The following SCN8A variants were observed in gnomAD, a reference collection of about 807,000 sequenced individuals.
SCN8A encodes the protein sodium channel protein type 8 subunit alpha.
In SCN8A, 30 loss-of-function variants were observed where a neutral mutation model predicts 184.1. The ratio of observed to expected loss-of-function variants is 0.16; its 90% CI spans 0.12 to 0.22. The LOEUF is 0.22. SCN8A is among the 10% of genes least tolerant of loss of function. The pLI, the probability that SCN8A is intolerant of heterozygous loss-of-function variation, is 1.00. For synonymous variants in SCN8A, 852 were observed against 907.0 expected, an observed-to-expected ratio of 0.94 and a Z score of 1.09; for missense variants, 1,057 against 2,498.9, an observed-to-expected ratio of 0.42 and a Z score of 12.30.
intron 2 of SCN8A, among the ~76,000 whole-genome samples, chr12:51,679,721 C>CTTTTTTTTTTTTTTTTTTTT (rs34564079): frequency 2.3e-5 from 2 of 85,510 alleles, no homozygotes; most frequent in African/African-American, 4.5e-5. Context: ...ACTATCTTGC[C>CTTTTTTTTTTTTTTTTTTTT]TTTTTTTTTT....
intron 14 of SCN8A, among the ~76,000 whole-genome samples, chr12:51,756,536 C>T (rs564464964): frequency 7.2e-5 from 11 of 152,368 alleles, no homozygotes; most frequent in African/African-American, 2.6e-4. Context: ...TCCCCCACCC[C>T]CTCAAGTGTG....
chr12:51,620,557 T>A (rs1265641809), intron 1 of SCN8A, among the ~76,000 whole-genome samples: 1 of 152,048 alleles, frequency 6.6e-6, no homozygotes, highest in African/African-American at 2.4e-5. Context: ...CAGTAGAAAC[T>A]GTAAAAGAAA....
intron 2 of SCN8A, among the ~76,000 whole-genome samples, chr12:51,670,035 A>G (rs932820413): frequency 6.6e-6 from 1 of 152,188 alleles, no homozygotes; most frequent in African/African-American, 2.4e-5. Context: ...GTTGTTAAAA[A>G]TTTTTTCCCA....
At chr12:51,689,546 T>A (rs1941472801) in intron 6 of SCN8A, 1 of 156,086 alleles carries the variant, frequency 6.4e-6, no homozygotes, top group African/African-American at 2.4e-5. Context: ...ATTAATGAAA[T>A]TTTTTAATCA....
rs372096102 is a variant in SCN8A, at chr12:51,769,319, C to T, written c.3356C>T (p.Pro1119Leu). 3.1e-5 allele frequency: 50 copies of T among 1,588,602 alleles called. No homozygotes were observed. The highest frequency in any genetic ancestry group is 4.2e-5 in the Non-Finnish European group (49 of 1,164,012). Residue 1119 changes from proline to leucine, a missense_variant, in exon 17 of 27, where the codon CCT becomes CTT. Physicochemically the swap from Pro to Leu is moderately conservative, Grantham distance 98. Coordinates refer to ENST00000627620, the MANE Select transcript of SCN8A (RefSeq NM_001330260.2). ...NTEDVSSESD[P>L]EGSKDKLDDT... The stretch of plus-strand genomic sequence containing the variant: ...GAGGATGTTAGCAGCGAGTCGGATC[C>T]TGAAGGCAGCAAAGATGTAAGGTCC...
chr12:51,768,071 G>A (rs920699758), intron 16 of SCN8A: 1 of 152,108 alleles, frequency 6.6e-6, no homozygotes, highest in Non-Finnish European at 1.5e-5. Flanking sequence ...GCACATGACT[G>A]TTATCTCCTC....
At chr12:51,703,237 T>TG (rs1555219207) in intron 9 of SCN8A, among the ~76,000 whole-genome samples, 5 of 150,006 alleles carry the variant, frequency 3.3e-5, no homozygotes, top group African/African-American at 4.9e-5. Flanking sequence ...GGGTTTGTTT[T>TG]TTTTGTTTTG....
intron 1 of SCN8A, among the ~76,000 whole-genome samples, chr12:51,610,066 A>T (rs1426121702): frequency 3.4e-5 from 5 of 148,520 alleles, no homozygotes; most frequent in Admixed American, 6.9e-5. Context: ...GCTACTCCGG[A>T]GGCTGAGGCA....
At chr12:51,722,116 CCCT>C (rs1942079139) in intron 12 of SCN8A, 1 of 720,496 alleles carries the variant, frequency 1.4e-6, no homozygotes, top group African/African-American at 1.8e-5. Flanking sequence ...TCAGTTTTCC[CCCT>C]ATTACTCACC....
chr12:51,644,145 G>A (rs769537686), intron 1 of SCN8A, among the ~76,000 whole-genome samples: 4 of 152,190 alleles, frequency 2.6e-5, no homozygotes, highest in Non-Finnish European at 2.9e-5. Flanking sequence ...TGCTTAGTCT[G>A]TCAGATTCCA....
chr12:51,770,833 C>G (rs1221403940), intron 19 of SCN8A, 150 bp downstream of exon 19: 1 of 754,118 alleles, frequency 1.3e-6, no homozygotes, highest in Non-Finnish European at 2.2e-6. Flanking sequence ...CTTTAGGCTG[C>G]TGCTTTGAGC....
chr12:51,644,346 A>G (rs982733906), intron 1 of SCN8A, among the ~76,000 whole-genome samples: 4 of 152,196 alleles, frequency 2.6e-5, no homozygotes, highest in African/African-American at 7.2e-5. Flanking sequence ...TAACCTCTTT[A>G]TGCCTCAGTT....
In SCN8A at chr12:51,806,430, G is replaced by A. The variant is rs773587801; in HGVS notation, c.4944G>A (p.Leu1648=). 1 of 1,614,154 alleles carries A rather than the reference G, an allele frequency of 6.2e-7. No individual in the cohort carries two copies. Among genetic ancestry groups the A allele is most frequent in the Non-Finnish European group, 8.5e-7 (1 of 1,180,018 alleles). ...TGCTCTTTGCCTTAATGATGTCCTT[G>A]CCTGCCCTGTTCAACATCGGCCTTC... ...RTLLFALMMS[L]PALFNIGLLL... is the part of the protein sequence containing the mutation. Residue 1648 remains leucine (L), a synonymous_variant, in exon 27 of 27, where the codon TTG becomes TTA. Transcript: ENST00000627620. This position sits in a 1 kb window ranked among gnomAD's most constrained non-coding sequence, Gnocchi z 8.7.
intron 2 of SCN8A, among the ~76,000 whole-genome samples, chr12:51,672,923 G>C (rs1941157809): frequency 6.6e-6 from 1 of 152,224 alleles, no homozygotes; most frequent in Non-Finnish European, 1.5e-5. Flanking sequence ...ATATGTGGTA[G>C]AGTCAGGTTT....
intron 1 of SCN8A, among the ~76,000 whole-genome samples, chr12:51,632,871 T>C (rs1229988424): frequency 6.6e-6 from 1 of 152,118 alleles, no homozygotes; most frequent in African/African-American, 2.4e-5. Context: ...CTGCCTTCCA[T>C]GACCTATATT....
intron 1 of SCN8A, among the ~76,000 whole-genome samples, chr12:51,649,031 T>C (rs1940651733): frequency 6.6e-6 from 1 of 152,136 alleles, no homozygotes. Flanking sequence ...TAAATACAGC[T>C]GTTCCAAATG....
chr12:51,754,660 A>C (rs1184228816), intron 14 of SCN8A, among the ~76,000 whole-genome samples: 2 of 152,170 alleles, frequency 1.3e-5, no homozygotes, highest in Non-Finnish European at 2.9e-5. Context: ...TAGCTATCAT[A>C]TCTCTCTAAT....
chr12:51,664,746 G>A (rs1157948445), intron 2 of SCN8A, among the ~76,000 whole-genome samples: 1 of 151,906 alleles, frequency 6.6e-6, no homozygotes, highest in African/African-American at 2.4e-5. Context: ...TTTAAGTTCA[G>A]GGGTACATGT....
At chr12:51,726,220 G>A (rs1382991653) in intron 12 of SCN8A, among the ~76,000 whole-genome samples, 2 of 152,106 alleles carry the variant, frequency 1.3e-5, no homozygotes, top group African/African-American at 4.8e-5. Flanking sequence ...TTTTTCCTGC[G>A]TCTCCATCTC....
Sources: allele counts gnomAD v4.1 joint callset (sites outside exome capture counted in the v4.1 genomes callset), GRCh38; gene constraint gnomAD v4.1.1; non-coding constraint Gnocchi (gnomAD v3.1); transcripts MANE v1.5; gene names NCBI Gene and HGNC (gene_info 2026-07-23, HGNC 2026-07-21).